DNER: variants seen among roughly 807,000 people sequenced by gnomAD.
The protein encoded by DNER is delta/notch like EGF repeat containing.
A neutral mutation model predicts 78.2 loss-of-function variants in DNER; 33 were observed. That is an observed-to-expected ratio of 0.42 (90% confidence interval 0.32 to 0.56). The LOEUF (loss-of-function observed/expected upper bound fraction) is 0.56. Among genes scored for constraint, DNER ranks in the 20% least tolerant of loss-of-function variants. The pLI is 0.11. For synonymous variants in DNER, 417 were observed against 384.8 expected, an observed-to-expected ratio of 1.08 and a Z score of -0.98; for missense variants, 918 against 975.3, an observed-to-expected ratio of 0.94 and a Z score of 0.78.
intron 12 of DNER, among the ~76,000 whole-genome samples, chr2:229,359,598 C>A (rs1441830704): frequency 1.3e-5 from 2 of 152,040 alleles, no homozygotes; most frequent in Non-Finnish European, 2.9e-5. Flanking sequence ...TTTAAAAGAA[C>A]CTTAAATTTT....
chr2:229,422,095 C>T (rs972362640), intron 8 of DNER, among the ~76,000 whole-genome samples: 3 of 152,050 alleles, frequency 2.0e-5, no homozygotes, highest in Non-Finnish European at 2.9e-5. Context: ...ATTCTAAAAC[C>T]GTTTCTTCAG....
chr2:229,586,909 C>T, intron 3 of DNER: 1 of 985,478 alleles, frequency 1.0e-6, no homozygotes, highest in Non-Finnish European at 1.2e-6. Flanking sequence ...TGATCAGTGA[C>T]TAAATTCATG....
intron 9 of DNER, among the ~76,000 whole-genome samples, chr2:229,410,740 G>C (rs541032913): frequency 9.2e-5 from 14 of 152,290 alleles, no homozygotes; most frequent in African/African-American, 3.4e-4. Context: ...TTTTAGAATT[G>C]AAATAAGCTA....
chr2:229,681,856 A>ACG (rs71932014), intron 1 of DNER, among the ~76,000 whole-genome samples: 16 of 151,856 alleles, frequency 1.1e-4, no homozygotes, highest in African/African-American at 3.9e-4. Context: ...ACACACACAC[A>ACG]CACACACACA....
intron 7 of DNER, among the ~76,000 whole-genome samples, chr2:229,472,301 T>C (rs1694940354): frequency 6.6e-6 from 1 of 152,200 alleles, no homozygotes; most frequent in African/African-American, 2.4e-5. Context: ...TAATAGGTAA[T>C]TGCCAGGAAG....
At chr2:229,636,141 C>T (rs939067521) in intron 1 of DNER, among the ~76,000 whole-genome samples, 5 of 152,124 alleles carry the variant, frequency 3.3e-5, no homozygotes, top group Non-Finnish European at 5.9e-5. Context: ...TGGTGCAAAC[C>T]GTTTGTACCA....
At chr2:229,580,871 A>C (rs753584043) in intron 4 of DNER, among the ~76,000 whole-genome samples, 6 of 152,190 alleles carry the variant, frequency 3.9e-5, no homozygotes, top group African/African-American at 7.2e-5. Context: ...TGCATGCTGA[A>C]TAGAATTTTA....
chr2:229,380,157 G>C (rs1205861433), intron 11 of DNER, among the ~76,000 whole-genome samples: 1 of 152,134 alleles, frequency 6.6e-6, no homozygotes, highest in Non-Finnish European at 1.5e-5. Flanking sequence ...TGATGTCAGA[G>C]AATGTGGTCC....
chr2:229,400,605 G>A (rs1256536824), intron 10 of DNER, among the ~76,000 whole-genome samples: 1 of 151,930 alleles, frequency 6.6e-6, no homozygotes, highest in African/African-American at 2.4e-5. Context: ...GAGGTAATAG[G>A]AGCCAACTGA....
chr2:229,438,777 G>A (rs1424148104), intron 8 of DNER, among the ~76,000 whole-genome samples: 3 of 152,118 alleles, frequency 2.0e-5, no homozygotes, highest in Admixed American at 6.5e-5. Context: ...TTTGAGTAAT[G>A]GCTACCCTAA....
At chr2:229,659,627 G>C (rs367861482) in intron 1 of DNER, among the ~76,000 whole-genome samples, 3 of 152,026 alleles carry the variant, frequency 2.0e-5, no homozygotes, top group African/African-American at 2.4e-5. Context: ...AGTTATGAAG[G>C]CTCTCCACCT....
chr2:229,493,511 A>G (rs1041716680), intron 6 of DNER, among the ~76,000 whole-genome samples: 1 of 152,216 alleles, frequency 6.6e-6, no homozygotes, highest in African/African-American at 2.4e-5. Context: ...CAAGAGGAAT[A>G]GAATTGTTGC....
intron 5 of DNER, among the ~76,000 whole-genome samples, chr2:229,513,513 T>G (rs1241805383): frequency 6.6e-6 from 1 of 152,204 alleles, no homozygotes; most frequent in African/African-American, 2.4e-5. Context: ...GATATTAACA[T>G]TATCTTAGTA....
intron 10 of DNER, among the ~76,000 whole-genome samples, chr2:229,395,524 T>G (rs1043333119): frequency 2.0e-5 from 3 of 152,152 alleles, no homozygotes; most frequent in African/African-American, 7.2e-5. Flanking sequence ...AATGGGATCC[T>G]TGGTTTTGAG....
intron 1 of DNER, among the ~76,000 whole-genome samples, chr2:229,602,683 T>A (rs1049759789): frequency 1.3e-5 from 2 of 152,200 alleles, no homozygotes; most frequent in Non-Finnish European, 2.9e-5. Flanking sequence ...CTAAAGATCC[T>A]TTTCTCAAAG....
At chr2:229,392,275 G>GAAA (rs200048129) in intron 10 of DNER, among the ~76,000 whole-genome samples, 3 of 128,320 alleles carry the variant, frequency 2.3e-5, no homozygotes, top group Non-Finnish European at 5.1e-5. Context: ...TGAAATATAT[G>GAAA]AAAAAAAAAA....
intron 1 of DNER, chr2:229,702,023 GAAAGA>G (rs1559214578): frequency 1.0e-5 from 2 of 194,178 alleles, no homozygotes; most frequent in Admixed American, 5.1e-5. Flanking sequence ...AGCCTTATTG[GAAAGA>G]TCCAAATAAT....
At chr2:229,473,599 C>A (rs538849878) in intron 7 of DNER, among the ~76,000 whole-genome samples, 1 of 152,320 alleles carries the variant, frequency 6.6e-6, no homozygotes, top group East Asian at 1.9e-4. Context: ...GTGTTGACTT[C>A]TATTATTAAA....
At chr2:229,653,465 T>C (rs1698855896) in intron 1 of DNER, among the ~76,000 whole-genome samples, 1 of 152,178 alleles carries the variant, frequency 6.6e-6, no homozygotes, top group African/African-American at 2.4e-5. Context: ...ATTAAAAGCA[T>C]ATAAATTCTT....
Sources: gnomAD v4.1 joint callset for allele counts (sites outside exome capture counted in the v4.1 genomes callset) on GRCh38, gnomAD v4.1.1 for gene constraint, MANE v1.5 for transcripts, NCBI Gene and HGNC (gene_info 2026-07-23, HGNC 2026-07-21) for gene names.